The following MCTP1 variants were observed in gnomAD, a reference collection of about 807,000 sequenced individuals.
MCTP1 encodes the protein multiple C2 and transmembrane domain containing 1.
In MCTP1, 69 loss-of-function variants were observed where a neutral mutation model predicts 120.6. The observed-to-expected ratio is 0.57, with a 90% CI of 0.47 to 0.70. The LOEUF is 0.70. MCTP1 is among the 30% of genes least tolerant of loss of function. The probability of loss-of-function intolerance (pLI) is 0.00; values close to 1 mark genes in which losing one functional copy is unlikely to be tolerated. For synonymous variants in MCTP1, 529 were observed against 493.1 expected, an observed-to-expected ratio of 1.07 and a Z score of -0.96; for missense variants, 1,203 against 1,248.8, an observed-to-expected ratio of 0.96 and a Z score of 0.55.
rs1754175858 is a variant in MCTP1 at position 94,704,865 on chromosome 5, G to GATTCA, written c.*2626_*2630dup. ...TGCACTAGGATAATCTGAGTTGGGAGATTCAATCAATCAATCAGTTTGAGT... is the reference window on the plus strand; with the variant it reads ...TGCACTAGGATAATCTGAGTTGGGAGATTCAATTCAATCAATCAATCAGTTTGAGT... On this transcript the variant is annotated 3_prime_UTR_variant, in exon 23 of 23. Coordinates refer to ENST00000515393, the MANE Select transcript of MCTP1 (RefSeq NM_024717.7). 6.6e-6 allele frequency: 1 copy of GATTCA among 151,002 alleles called. No homozygotes were observed. The highest frequency in any genetic ancestry group is 6.6e-5 in the Admixed American group (1 of 15,136). The allele number at this position is 151,002 out of a possible 1,614,324, so 9.4% of individuals were successfully genotyped here. A position where few individuals can be genotyped will look rare whatever the true frequency, so the allele number is the denominator to read the frequency against.
intron 1 of MCTP1, among the ~76,000 whole-genome samples, chr5:95,041,311 G>GAAAAAAAAAAAAAAAA (rs58379749): frequency 5.2e-4 from 47 of 89,746 alleles, no homozygotes; most frequent in Non-Finnish European, 6.6e-4. Context: ...CCCATGCTCT[G>GAAAAAAAAAAAAAAAA]AAAAAAAAAA....
At chr5:95,056,544 C>T (rs1322481052) in intron 1 of MCTP1, among the ~76,000 whole-genome samples, 1 of 152,086 alleles carries the variant, frequency 6.6e-6, no homozygotes, top group Non-Finnish European at 1.5e-5. Context: ...AGGATTAATT[C>T]ATACTATAGA....
At position 95,117,298 on chromosome 5, in the gene MCTP1, G is replaced by A. The variant is rs182843187; in HGVS notation, c.721-99814C>T. ...CCCAGCTACTCAGGAGGCTGAGGCC[G>A]GAGAATGGCATGAACCCGGGAGGCA... On this transcript the variant is annotated intron_variant, in intron 1 of 22. Transcript: ENST00000515393. Among the ~76,000 whole-genome samples the A allele has an allele frequency of 8.3e-3, 1,261 of 151,186 alleles. 12 individuals are homozygous for A. Among genetic ancestry groups the A allele is most frequent in the African/African-American group, 0.023 (926 of 41,114 alleles).
intron 1 of MCTP1, among the ~76,000 whole-genome samples, chr5:95,040,160 G>T (rs1221521785): frequency 1.3e-5 from 2 of 152,148 alleles, no homozygotes; most frequent in Admixed American, 6.5e-5. Context: ...AGAAGGCTGG[G>T]CATGATGGCT....
At chr5:95,075,629 G>A (rs756173303) in intron 1 of MCTP1, among the ~76,000 whole-genome samples, 2 of 152,060 alleles carry the variant, frequency 1.3e-5, no homozygotes, top group Non-Finnish European at 1.5e-5. Context: ...AGATGGAGAC[G>A]CTGCTCTTTG....
intron 17 of MCTP1, among the ~76,000 whole-genome samples, chr5:94,815,840 A>G (rs1202222715): frequency 2.6e-5 from 4 of 152,164 alleles, no homozygotes; most frequent in Non-Finnish European, 4.4e-5. Flanking sequence ...AGCAATGGTA[A>G]ATGGAATGGA....
chr5:95,251,286 G>A (rs891928554), intron 1 of MCTP1, among the ~76,000 whole-genome samples: 1 of 152,016 alleles, frequency 6.6e-6, no homozygotes, highest in Non-Finnish European at 1.5e-5. Flanking sequence ...CCTGAAGTGA[G>A]AACAAGCTTG....
intron 1 of MCTP1, among the ~76,000 whole-genome samples, chr5:95,273,917 C>T (rs1759604124): frequency 6.6e-6 from 1 of 152,328 alleles, no homozygotes; most frequent in East Asian, 1.9e-4. Flanking sequence ...ATCCCCTGAT[C>T]CCGCAAATCT....
At chr5:94,868,293 T>C (rs756931882) in intron 17 of MCTP1, 40 bp downstream of exon 17, 3 of 1,532,618 alleles carry the variant, frequency 2.0e-6, no homozygotes. Flanking sequence ...GATTACTGAA[T>C]TTAATGAATA....
chr5:95,134,141 G>A (rs972793635), intron 1 of MCTP1, among the ~76,000 whole-genome samples: 1 of 152,160 alleles, frequency 6.6e-6, no homozygotes, highest in East Asian at 1.9e-4. Context: ...ATAAATAGGT[G>A]AGATTGGAAA....
intron 1 of MCTP1, among the ~76,000 whole-genome samples, chr5:95,231,045 T>C (rs1235609295): frequency 1.3e-5 from 2 of 152,204 alleles, no homozygotes; most frequent in African/African-American, 4.8e-5. Flanking sequence ...GTTTTACCAA[T>C]AGCAAGGGAC....
intron 1 of MCTP1, among the ~76,000 whole-genome samples, chr5:95,242,198 A>T (rs1403855611): frequency 1.3e-5 from 2 of 152,178 alleles, no homozygotes; most frequent in African/African-American, 4.8e-5. Flanking sequence ...CTAGTTTGTT[A>T]CATTTTTCTT....
chr5:94,785,174 A>T (rs1777417444), intron 18 of MCTP1, among the ~76,000 whole-genome samples: 1 of 152,146 alleles, frequency 6.6e-6, no homozygotes, highest in Non-Finnish European at 1.5e-5. Context: ...AGGCGAAACA[A>T]TAACAAATTC....
chr5:94,854,662 T>C (rs558828910), intron 17 of MCTP1, among the ~76,000 whole-genome samples: 2 of 151,842 alleles, frequency 1.3e-5, no homozygotes, highest in Non-Finnish European at 2.9e-5. Context: ...TAAAAATATA[T>C]GACCCATTAG....
At chr5:94,896,182 A>C (rs1325043361) in intron 10 of MCTP1, among the ~76,000 whole-genome samples, 1 of 152,204 alleles carries the variant, frequency 6.6e-6, no homozygotes, top group Non-Finnish European at 1.5e-5. Flanking sequence ...TGAGGTTAAA[A>C]ATTTTCACAG....
intron 1 of MCTP1, among the ~76,000 whole-genome samples, chr5:95,027,146 T>C (rs2153685905): frequency 6.6e-6 from 1 of 152,326 alleles, no homozygotes; most frequent in Middle Eastern, 3.4e-3. Flanking sequence ...TGGAAGTCAA[T>C]TGATTAAGTG....
intron 9 of MCTP1, among the ~76,000 whole-genome samples, chr5:94,909,896 G>A (rs1345030696): frequency 1.3e-5 from 2 of 151,930 alleles, no homozygotes; most frequent in Admixed American, 1.3e-4. Flanking sequence ...AGTAGCTTTT[G>A]GGTAGTCAGG....
chr5:94,850,204 A>AT (rs1238965904), intron 17 of MCTP1, among the ~76,000 whole-genome samples: 3 of 152,204 alleles, frequency 2.0e-5, no homozygotes, highest in African/African-American at 7.2e-5. Context: ...ATTCCAGGGT[A>AT]TGCACCCAAC....
intron 1 of MCTP1, among the ~76,000 whole-genome samples, chr5:95,212,715 A>C (rs1174072017): frequency 7.9e-5 from 12 of 152,074 alleles, no homozygotes; most frequent in Non-Finnish European, 1.5e-4. Flanking sequence ...CAATATACAC[A>C]AATCAATAAA....
Sources: gnomAD v4.1 joint callset for allele counts (sites outside exome capture counted in the v4.1 genomes callset) on GRCh38, gnomAD v4.1.1 for gene constraint, MANE v1.5 for transcripts, NCBI Gene and HGNC (gene_info 2026-07-23, HGNC 2026-07-21) for gene names.